The following PPIL2 variants were observed in gnomAD, a reference collection of about 807,000 sequenced individuals.
The protein encoded by PPIL2 is RING-type E3 ubiquitin-protein ligase PPIL2.
In PPIL2, 50 loss-of-function variants were observed where a neutral mutation model predicts 75.2. That is an observed-to-expected ratio of 0.66 (90% confidence interval 0.53 to 0.84). The LOEUF is 0.84. Among genes scored for constraint, PPIL2 ranks in the 40% least tolerant of loss-of-function variants. PPIL2 has a pLI of 0.00. For missense variants in PPIL2, 590 were observed against 685.0 expected, an observed-to-expected ratio of 0.86 and a Z score of 1.55; for synonymous variants, 245 against 258.8, an observed-to-expected ratio of 0.95 and a Z score of 0.51.
At chr22:21,688,013 G>T in intron 13 of PPIL2, 60 bp from the exon 14 acceptor site, 1 of 1,608,256 alleles carries the variant, frequency 6.2e-7, no homozygotes, top group South Asian at 1.1e-5. Flanking sequence ...CCTTCAGTCA[G>T]GCAGGCGGTG....
chr22:21,699,897 C>T (rs898494470), downstream of PPIL2: 2 of 152,510 alleles, frequency 1.3e-5, no homozygotes, highest in African/African-American at 4.8e-5. Flanking sequence ...CCCTGTGAGG[C>T]TGTCACCTCA....
rs557616053 is a variant in PPIL2 at position 21,683,972 on chromosome 22, C to G, written c.553+715C>G. The stretch of plus-strand genomic sequence containing the variant: ...CCTGTAACCCCAGCACTTTGGGAGG[C>G]CAAGGCAGGCGGATTGCTTGAGCTC... On this transcript the variant is annotated intron_variant, in intron 9 of 19. Coordinates refer to ENST00000398831, the MANE Select transcript of PPIL2 (RefSeq NM_014337.4). Among the ~76,000 whole-genome samples the G allele has an allele frequency of 4.6e-5, 7 of 152,310 alleles. No individual in the cohort carries two copies. In the East Asian group the frequency reaches 7.7e-4, roughly 17 times the overall value.
In PPIL2 at chr22:21,684,910, C is replaced by T. The variant is rs861833; in HGVS notation, c.711C>T (p.Asn237=). 0.15 allele frequency: 237,547 copies of T among 1,613,670 alleles called. 19,336 individuals carry two copies. Among genetic ancestry groups the T allele is most frequent in the Non-Finnish European group, 0.16 (194,457 of 1,179,672 alleles). Residue 237 remains asparagine (N), a synonymous_variant, in exon 10 of 20, where the codon AAC becomes AAT. Coordinates refer to ENST00000398831, the MANE Select transcript of PPIL2 (RefSeq NM_014337.4). Reference sequence around the variant, plus strand: ...AGAAGAAGAAAGTGGACAAGCTGAACGCTGTGAGTGGCGGAGGGCACTCGG... The same window carrying T: ...AGAAGAAGAAAGTGGACAAGCTGAATGCTGTGAGTGGCGGAGGGCACTCGG... ...APEKKKVDKL[N]AAHYSTGKVS... is the part of the protein sequence containing the mutation.
chr22:21,694,826 G>A lies in PPIL2; in HGVS notation c.1332+9G>A, dbSNP rs1474515825. ...AGGAGGCCGATGCCCAGGTGAGGGG[G>A]CACGATGCCACCACCTAGGAGGGTC... On this transcript the variant is annotated intron_variant, in intron 18 of 19. Transcript: ENST00000398831. 1 of 1,594,730 alleles carries A rather than the reference G, an allele frequency of 6.3e-7. No individual in the cohort carries two copies. The highest frequency in any genetic ancestry group is 1.7e-5 in the Admixed American group (1 of 58,890).
chr22:21,670,473 T>TATGAA (rs2066588950), intron 2 of PPIL2, 93 bp from the exon 3 acceptor site: 1 of 1,500,286 alleles, frequency 6.7e-7, no homozygotes, highest in Non-Finnish European at 9.2e-7. Context: ...TGCATGAACT[T>TATGAA]TTTCATAAGC....
At chr22:21,698,933 CA>C (rs1337375921), downstream of PPIL2, 1 of 152,580 alleles carries the variant, frequency 6.6e-6, no homozygotes, top group Non-Finnish European at 1.5e-5. Context: ...CAAGACAGTA[CA>C]AAGATTTCCT....
rs2067938269 is a variant in PPIL2, at chr22:21,696,489, A to G, written c.*999A>G. 1 of 1,244,538 alleles carries G rather than the reference A, an allele frequency of 8.0e-7. No homozygotes were observed. The highest frequency in any genetic ancestry group is 1.6e-5 in the South Asian group (1 of 63,042). The allele number at this position is 1,244,538 out of a possible 1,614,324, so 77.1% of individuals were successfully genotyped here. A position where few individuals can be genotyped will look rare whatever the true frequency, so the allele number is the denominator to read the frequency against. ...CTGATGGCCTTGGGCCAGCTGCATC[A>G]GCAGCCCTTAAAGAAAGACCCCTCC... On this transcript the variant is annotated 3_prime_UTR_variant, in exon 20 of 20. Coordinates refer to ENST00000398831, the MANE Select transcript of PPIL2 (RefSeq NM_014337.4).
In PPIL2 at chr22:21,696,456, C is replaced by CACTG. The variant is rs1254251380; in HGVS notation, c.*970_*973dup. The CACTG allele has an allele frequency of 5.8e-6, 7 of 1,204,986 alleles. No individual in the cohort carries two copies. Among genetic ancestry groups the CACTG allele is most frequent in the East Asian group, 5.5e-5 (1 of 18,288 alleles). The allele number at this position is 1,204,986 out of a possible 1,614,324, so 74.6% of individuals were successfully genotyped here. A position where few individuals can be genotyped will look rare whatever the true frequency, so the allele number is the denominator to read the frequency against. On this transcript the variant is annotated 3_prime_UTR_variant, in exon 20 of 20. Transcript: ENST00000398831. ...CCAAGACTCTGCTCCTCCTGTCAGT[C>CACTG]ACTGACTCTGATGGCCTTGGGCCAG...
chr22:21,672,446 T>C, intron 5 of PPIL2, 65 bp downstream of exon 5: 2 of 1,495,320 alleles, frequency 1.3e-6, no homozygotes, highest in Non-Finnish European at 1.9e-6. Flanking sequence ...CTCCTTTTGT[T>C]CTGGTGGTTT....
chr22:21,680,864 C>CA (rs67687572), intron 6 of PPIL2, among the ~76,000 whole-genome samples: 1 of 123,882 alleles, frequency 8.1e-6, no homozygotes, highest in Non-Finnish European at 1.7e-5. Context: ...CAGAGCAAAA[C>CA]AAAAAAAAGA....
At chr22:21,680,058 A>G (rs1020177602) in intron 6 of PPIL2, among the ~76,000 whole-genome samples, 4 of 150,152 alleles carry the variant, frequency 2.7e-5, no homozygotes, top group Non-Finnish European at 5.9e-5. Flanking sequence ...ATGCCACTGC[A>G]CTGCAGCCTG....
At position 21,681,389 on chromosome 22, in the gene PPIL2, A is replaced by G. The variant is rs772070535; in HGVS notation, c.386A>G (p.Glu129Gly). 1 of 1,611,552 alleles carries G rather than the reference A, an allele frequency of 6.2e-7. No homozygotes were observed. ...ACGACCGGCAACGTCTACGCCTATG[A>G]GGTGTGTCCTCGCTCCGGGGCGTGG... ...VRTTGNVYAY[E>G]AVEQLNIKAK... Residue 129 changes from glutamate (E) to glycine (G), a missense_variant and splice_region_variant, in exon 7 of 20, where the codon GAG (glutamate) becomes GGG (glycine). Physicochemically the swap from Glu to Gly is moderately conservative, Grantham distance 98. Transcript: ENST00000398831.
At chr22:21,666,208 C>A in intron 1 of PPIL2, 77 bp downstream of exon 1, 1 of 1,489,132 alleles carries the variant, frequency 6.7e-7, no homozygotes, top group Admixed American at 2.0e-5. Flanking sequence ...GCGCCGCTCG[C>A]CTTCCCTCTC....
In PPIL2 at chr22:21,696,196, T is replaced by C; in HGVS notation, c.*706T>C. 1.0e-6 allele frequency: 1 copy of C among 1,002,270 alleles called. No individual in the cohort carries two copies. Among genetic ancestry groups the C allele is most frequent in the South Asian group, 4.2e-5 (1 of 23,710 alleles). The allele number at this position is 1,002,270 out of a possible 1,614,324, so 62.1% of individuals were successfully genotyped here. ...TGAAGGCTGGTGTTGGACGGCAGCA[T>C]TGAGTTTCCTGCCGTGCCCTGCCTG... On this transcript the variant is annotated 3_prime_UTR_variant, in exon 20 of 20. Coordinates refer to ENST00000398831, the MANE Select transcript of PPIL2 (RefSeq NM_014337.4).
In PPIL2 at chr22:21,686,556, C is replaced by T; in HGVS notation, c.788C>T (p.Ala263Val). ...ATGGTCCCGGAGACCACACATGAAG[C>T]AGGTAGCCACCTTGGCCTCTGTAGC... ...TAMVPETTHE[A>V]AAIDEDVLRY... The change falls in exon 11 of 20, where the codon GCA becomes GTA. Residue 263 changes from alanine to valine, a missense_variant and splice_region_variant. Transcript: ENST00000398831. The T allele has an allele frequency of 6.2e-7, 1 of 1,613,992 alleles. No individual in the cohort carries two copies. The highest frequency in any genetic ancestry group is 8.5e-7 in the Non-Finnish European group (1 of 1,179,866).
chr22:21,694,481 C>T, intron 16 of PPIL2, 112 bp from the exon 17 acceptor site: 1 of 1,214,660 alleles, frequency 8.2e-7, no homozygotes, highest in Non-Finnish European at 1.2e-6. Context: ...TGCCCAAGGA[C>T]CACCAGGCCA....
At chr22:21,684,953 C>T in intron 10 of PPIL2, 40 bp downstream of exon 10, 1 of 1,606,546 alleles carries the variant, frequency 6.2e-7, no homozygotes, top group Non-Finnish European at 8.5e-7. Context: ...CAAGCCCCGT[C>T]TTCCTGCCCA....
At chr22:21,692,445 T>G (rs183384185) in intron 15 of PPIL2, among the ~76,000 whole-genome samples, 4 of 151,544 alleles carry the variant, frequency 2.6e-5, no homozygotes, top group Non-Finnish European at 5.9e-5. Context: ...TGAGCCACTG[T>G]GCCTGGCCAA....
At chr22:21,668,598 C>A (rs1057358197) in intron 1 of PPIL2, among the ~76,000 whole-genome samples, 2 of 149,182 alleles carry the variant, frequency 1.3e-5, no homozygotes, top group Admixed American at 6.7e-5. Context: ...AACTGCACTC[C>A]AGCCTGGGCA....
Sources: gnomAD v4.1 joint callset for allele counts (sites outside exome capture counted in the v4.1 genomes callset) on GRCh38, gnomAD v4.1.1 for gene constraint, MANE v1.5 for transcripts, NCBI Gene and HGNC (gene_info 2026-07-23, HGNC 2026-07-21) for gene names.